The following PDE3A variants were observed in gnomAD, a reference collection of about 807,000 sequenced individuals.
PDE3A encodes phosphodiesterase 3A, also known as cGMP-inhibited 3',5'-cyclic phosphodiesterase 3A.
A neutral mutation model predicts 98.3 loss-of-function variants in PDE3A; 43 were observed. That is an observed-to-expected ratio of 0.44 (90% confidence interval 0.34 to 0.56). The LOEUF (loss-of-function observed/expected upper bound fraction) is 0.56. Among genes scored for constraint, PDE3A ranks in the 20% least tolerant of loss-of-function variants. The pLI is 0.01. For synonymous variants in PDE3A, 663 were observed against 567.9 expected, an observed-to-expected ratio of 1.17 and a Z score of -2.38; for missense variants, 1,427 against 1,440.7, an observed-to-expected ratio of 0.99 and a Z score of 0.15.
intron 2 of PDE3A, among the ~76,000 whole-genome samples, chr12:20,594,377 TAGGG>T (rs1392508674): frequency 6.6e-6 from 1 of 152,060 alleles, no homozygotes; most frequent in Non-Finnish European, 1.5e-5. Flanking sequence ...ATTGAAACAA[TAGGG>T]AGGAAGTCAA....
At chr12:20,623,661 TGGA>T (rs1454090416) in intron 5 of PDE3A, among the ~76,000 whole-genome samples, 45 of 151,270 alleles carry the variant, frequency 3.0e-4, no homozygotes, top group African/African-American at 1.0e-3. Context: ...GAATATATGA[TGGA>T]TATATTCTAG....
In PDE3A at chr12:20,448,396, G is replaced by A. The variant is rs137972054; in HGVS notation, c.960+78152G>A. Among the ~76,000 whole-genome samples the A allele has an allele frequency of 6.6e-3, 1,012 of 152,192 alleles. 4 individuals are homozygous for A. Among genetic ancestry groups the A allele is most frequent in the Non-Finnish European group, 0.011 (746 of 68,016 alleles). ...GCGGCAGTTGCTGTGAGCCGAGGTC[G>A]CGTCAATGCACAACAGCCTGGGCAA... On this transcript the variant is annotated intron_variant, in intron 1 of 15. Coordinates refer to ENST00000359062, the MANE Select transcript of PDE3A (RefSeq NM_000921.5).
intron 1 of PDE3A, among the ~76,000 whole-genome samples, chr12:20,459,543 A>G (rs1045178590): frequency 2.6e-5 from 4 of 152,176 alleles, no homozygotes; most frequent in Non-Finnish European, 5.9e-5. Context: ...GTTACTAGTG[A>G]TATATGAAGA....
At chr12:20,670,820 C>G (rs1945455416) in intron 15 of PDE3A, among the ~76,000 whole-genome samples, 1 of 134,530 alleles carries the variant, frequency 7.4e-6, no homozygotes, top group Non-Finnish European at 1.5e-5. Flanking sequence ...CATTCAAAAG[C>G]TAGCAGAAGG....
intron 1 of PDE3A, among the ~76,000 whole-genome samples, chr12:20,467,210 G>A (rs1381533695): frequency 6.6e-6 from 1 of 151,982 alleles, no homozygotes; most frequent in Non-Finnish European, 1.5e-5. Context: ...TCTGATTTGA[G>A]GAGAGGCAGA....
chr12:20,422,112 C>T (rs1036554687), intron 1 of PDE3A, among the ~76,000 whole-genome samples: 7 of 152,060 alleles, frequency 4.6e-5, no homozygotes, highest in Non-Finnish European at 7.4e-5. Flanking sequence ...TTTGGGAGGC[C>T]GAGGTGGGCG....
intron 1 of PDE3A, among the ~76,000 whole-genome samples, chr12:20,499,475 A>G (rs991067724): frequency 2.0e-5 from 3 of 152,144 alleles, no homozygotes; most frequent in South Asian, 2.1e-4. Context: ...AAATTAACAA[A>G]TTGATTTTTA....
chr12:20,676,204 T>C (rs1298164885), intron 15 of PDE3A, among the ~76,000 whole-genome samples: 1 of 152,176 alleles, frequency 6.6e-6, no homozygotes, highest in Non-Finnish European at 1.5e-5. Context: ...ATGATAGATA[T>C]CATCCTTTTG....
chr12:20,633,018 T>A (rs934753370), intron 6 of PDE3A, among the ~76,000 whole-genome samples: 1 of 143,322 alleles, frequency 7.0e-6, no homozygotes, highest in African/African-American at 2.6e-5. Context: ...TGGTGCAATC[T>A]CCACTCACTG....
At chr12:20,516,975 C>T (rs1478081757) in intron 1 of PDE3A, among the ~76,000 whole-genome samples, 1 of 152,152 alleles carries the variant, frequency 6.6e-6, no homozygotes, top group Non-Finnish European at 1.5e-5. Context: ...TGTTTTACCC[C>T]TCTTTGTACA....
Position 20,680,528 on chromosome 12 carries a change from A to G in PDE3A, c.*257A>G, listed in dbSNP as rs1057460877. On this transcript the variant is annotated 3_prime_UTR_variant, in exon 16 of 16. Transcript: ENST00000359062. ...GGAGGGAATATATATGTGTGTGTGT[A>G]TATAAGCTCCCACATAGATACATGT... is the stretch of plus-strand genomic sequence containing the variant. The G allele has an allele frequency of 4.4e-5, 18 of 406,640 alleles. No individual in the cohort carries two copies. Among genetic ancestry groups the G allele is most frequent in the African/African-American group, 3.0e-4 (15 of 49,734 alleles). The allele number at this position is 406,640 out of a possible 1,614,324, so 25.2% of individuals were successfully genotyped here.
intron 3 of PDE3A, among the ~76,000 whole-genome samples, chr12:20,614,251 T>G (rs1943945006): frequency 6.6e-6 from 1 of 152,310 alleles, no homozygotes; most frequent in South Asian, 2.1e-4. Flanking sequence ...ATTTTATATG[T>G]AAAAGGAAGA....
chr12:20,413,704 A>G (rs1944373144), intron 1 of PDE3A, among the ~76,000 whole-genome samples: 1 of 152,190 alleles, frequency 6.6e-6, no homozygotes. Context: ...AATGAACCTT[A>G]AAGGAAGCTA....
At chr12:20,599,898 T>C (rs1943549311) in intron 2 of PDE3A, among the ~76,000 whole-genome samples, 1 of 152,244 alleles carries the variant, frequency 6.6e-6, no homozygotes, top group Non-Finnish European at 1.5e-5. Flanking sequence ...AACTGTAGTC[T>C]GTAGAGTTGC....
chr12:20,468,352 C>T (rs1275819679), intron 1 of PDE3A, among the ~76,000 whole-genome samples: 2 of 152,098 alleles, frequency 1.3e-5, no homozygotes, highest in African/African-American at 4.8e-5. Context: ...CTGTACTTGC[C>T]TGTGATCTTG....
rs1334576499 is a variant in PDE3A, at chr12:20,541,932, CAT to C, written c.961-14727_961-14726del. Among the ~76,000 whole-genome samples, 11 of 152,148 alleles carry C rather than the reference CAT, an allele frequency of 7.2e-5. No individual in the cohort carries two copies. The East Asian group carries it at 1.7e-3, about 24-fold the overall frequency. ...TTTAAGAACTTGAACACAAAATGCACATGTCTTGTTAAAATCTAATTGAAAGT... is the reference window on the plus strand; with the variant it reads ...TTTAAGAACTTGAACACAAAATGCACGTCTTGTTAAAATCTAATTGAAAGT... On this transcript the variant is annotated intron_variant, in intron 1 of 15. Transcript: ENST00000359062.
chr12:20,586,544 T>G (rs1342367090), intron 2 of PDE3A, among the ~76,000 whole-genome samples: 1 of 152,230 alleles, frequency 6.6e-6, no homozygotes, highest in African/African-American at 2.4e-5. Context: ...ATAGGATGAA[T>G]GAATTTTCAC....
intron 1 of PDE3A, among the ~76,000 whole-genome samples, chr12:20,482,205 CTA>C (rs1420177859): frequency 6.0e-5 from 9 of 151,182 alleles, no homozygotes; most frequent in African/African-American, 2.2e-4. Context: ...ATTTTAGTGA[CTA>C]AAAGTATTCA....
At chr12:20,629,110 T>G (rs997387893) in intron 5 of PDE3A, among the ~76,000 whole-genome samples, 6 of 152,234 alleles carry the variant, frequency 3.9e-5, no homozygotes, top group African/African-American at 1.2e-4. Flanking sequence ...CCATTTTAAC[T>G]GCAGGCTGCC....
Sources: gnomAD v4.1 joint callset for allele counts (sites outside exome capture counted in the v4.1 genomes callset) on GRCh38, gnomAD v4.1.1 for gene constraint, MANE v1.5 for transcripts, NCBI Gene and HGNC (gene_info 2026-07-23, HGNC 2026-07-21) for gene names.